GPC5: variants seen among roughly 807,000 people sequenced by gnomAD.
The protein encoded by GPC5 is glypican-5.
A neutral mutation model predicts 53.9 loss-of-function variants in GPC5; 47 were observed. That is an observed-to-expected ratio of 0.87 (90% CI 0.69 to 1.11). The LOEUF (loss-of-function observed/expected upper bound fraction) is 1.11. Among genes scored for constraint, GPC5 ranks in the 50% most tolerant of loss-of-function variants. The pLI, the probability that GPC5 is intolerant of heterozygous loss-of-function variation, is 0.00. For missense variants in GPC5, 748 were observed against 713.1 expected (o/e 1.05, Z -0.56); for synonymous variants, 286 against 263.3 (o/e 1.09, Z -0.84).
At chr13:91,842,732 A>G (rs1022109622) in intron 5 of GPC5, among the ~76,000 whole-genome samples, 1 of 138,624 alleles carries the variant, frequency 7.2e-6, no homozygotes, top group Admixed American at 7.4e-5. Context: ...AAAAAAAAAG[A>G]ATGTTATTTA....
intron 7 of GPC5, among the ~76,000 whole-genome samples, chr13:92,184,538 G>C (rs1270913306): frequency 6.6e-6 from 1 of 152,128 alleles, no homozygotes; most frequent in Non-Finnish European, 1.5e-5. Flanking sequence ...AAATAACTAA[G>C]AGCAACCTTC....
chr13:92,517,705 G>A (rs1327306765), intron 7 of GPC5, among the ~76,000 whole-genome samples: 2 of 152,088 alleles, frequency 1.3e-5, no homozygotes, highest in African/African-American at 4.8e-5. Context: ...AAGACCAAAG[G>A]TAGATAAAAC....
At chr13:92,152,806 C>T (rs901001829) in intron 7 of GPC5, among the ~76,000 whole-genome samples, 2 of 150,874 alleles carry the variant, frequency 1.3e-5, no homozygotes, top group African/African-American at 4.9e-5. Flanking sequence ...TACAGTTATA[C>T]ACACACATAA....
chr13:91,695,569 G>A (rs1686239058), intron 3 of GPC5, among the ~76,000 whole-genome samples: 2 of 151,952 alleles, frequency 1.3e-5, no homozygotes, highest in South Asian at 4.2e-4. Context: ...TAGAGAGGTG[G>A]TTTCACCATG....
intron 5 of GPC5, among the ~76,000 whole-genome samples, chr13:91,805,675 C>T (rs1428136494): frequency 6.6e-6 from 1 of 152,120 alleles, no homozygotes; most frequent in Non-Finnish European, 1.5e-5. Flanking sequence ...TTAGAAAATG[C>T]AGTGTGTGTG....
At chr13:92,725,539 A>G (rs900481026) in intron 7 of GPC5, among the ~76,000 whole-genome samples, 15 of 151,776 alleles carry the variant, frequency 9.9e-5, no homozygotes. Flanking sequence ...GAATATACCT[A>G]GCCAAACTTT....
At chr13:92,266,650 A>G (rs1158424191) in intron 7 of GPC5, among the ~76,000 whole-genome samples, 2 of 151,710 alleles carry the variant, frequency 1.3e-5, no homozygotes, top group Non-Finnish European at 2.9e-5. Context: ...ATTGGGTGGA[A>G]TGTGCTTATT....
intron 2 of GPC5, among the ~76,000 whole-genome samples, chr13:91,609,670 T>A (rs1594326646): frequency 6.6e-6 from 1 of 152,156 alleles, no homozygotes; most frequent in Non-Finnish European, 1.5e-5. Context: ...CCCCCAAGGC[T>A]CAGGAAAGCT....
chr13:92,611,136 G>T (rs1335170678), intron 7 of GPC5, among the ~76,000 whole-genome samples: 1 of 151,954 alleles, frequency 6.6e-6, no homozygotes, highest in Non-Finnish European at 1.5e-5. Context: ...ATCACATTTG[G>T]CTTCTGAAGC....
At chr13:92,120,871 A>G (rs956688525) in intron 6 of GPC5, among the ~76,000 whole-genome samples, 2 of 152,204 alleles carry the variant, frequency 1.3e-5, no homozygotes, top group African/African-American at 4.8e-5. Flanking sequence ...ATTCAAATGA[A>G]TTTGAAATTT....
chr13:91,660,192 G>A (rs1210669455), intron 2 of GPC5, among the ~76,000 whole-genome samples: 3 of 152,164 alleles, frequency 2.0e-5, no homozygotes, highest in African/African-American at 4.8e-5. Context: ...TTAAGTTTTG[G>A]CCATTTGGGG....
intron 2 of GPC5, among the ~76,000 whole-genome samples, chr13:91,522,563 C>T (rs562500240): frequency 2.6e-5 from 4 of 152,070 alleles, no homozygotes; most frequent in Non-Finnish European, 5.9e-5. Context: ...TACATGTGCA[C>T]AACGTGTGGG....
intron 2 of GPC5, among the ~76,000 whole-genome samples, chr13:91,482,432 T>G (rs191096929): frequency 6.6e-6 from 1 of 152,290 alleles, no homozygotes; most frequent in East Asian, 1.9e-4. Flanking sequence ...GTCTTAGATA[T>G]AGCAGCATAA....
rs532604991 is a variant in GPC5 at position 91,879,970 on chromosome 13, T to C, written c.1281-27967T>C. ...TTTTTATATTAACTTCATCAAGAGT[T>C]GGTAATAGTTATATTTGCTTTGTAA... is the stretch of plus-strand genomic sequence containing the variant. On this transcript the variant is annotated intron_variant, in intron 5 of 7. Coordinates refer to ENST00000377067, the MANE Select transcript of GPC5 (RefSeq NM_004466.6). Among the ~76,000 whole-genome samples, 6 of 152,240 alleles carry C rather than the reference T, an allele frequency of 3.9e-5. No homozygotes were observed. In the East Asian group the frequency reaches 1.2e-3, roughly 29 times the overall value.
intron 6 of GPC5, among the ~76,000 whole-genome samples, chr13:92,086,120 G>C (rs967990369): frequency 6.6e-6 from 1 of 152,142 alleles, no homozygotes; most frequent in African/African-American, 2.4e-5. Context: ...AAGTTATCTG[G>C]AAATTCATGT....
chr13:92,690,736 T>G (rs1360439469), intron 7 of GPC5, among the ~76,000 whole-genome samples: 2 of 106,062 alleles, frequency 1.9e-5, no homozygotes, highest in Non-Finnish European at 3.6e-5. Flanking sequence ...GATGTACAGA[T>G]GGGTTTTTGG....
At chr13:91,531,457 C>T (rs1481197992) in intron 2 of GPC5, among the ~76,000 whole-genome samples, 1 of 152,144 alleles carries the variant, frequency 6.6e-6, no homozygotes, top group Non-Finnish European at 1.5e-5. Context: ...AAATCCCTAA[C>T]TCTCTTTTAA....
chr13:92,044,892 G>A (rs1021950241), intron 6 of GPC5, among the ~76,000 whole-genome samples: 8 of 152,014 alleles, frequency 5.3e-5, no homozygotes, highest in Non-Finnish European at 8.8e-5. Flanking sequence ...AACTTTAAAA[G>A]GTTGGTGAAA....
rs2041855840 is a variant in GPC5 at position 92,144,907 on chromosome 13, A to G, written c.1479A>G (p.Gln493=). Residue 493 remains glutamine, a synonymous_variant, in exon 7 of 8, where the codon CAA becomes CAG. Coordinates refer to ENST00000377067, the MANE Select transcript of GPC5 (RefSeq NM_004466.6). ...GCAGTGGTGGAGGCATGGTTGAACA[A>G]GTCAGTGGGGACTGTGATGATGAAG... The part of the protein sequence containing the change: ...QLGSGGGMVE[Q]VSGDCDDEDG... 1 of 1,607,102 alleles carries G rather than the reference A, an allele frequency of 6.2e-7. No individual in the cohort carries two copies. Among genetic ancestry groups the G allele is most frequent in the African/African-American group, 1.3e-5 (1 of 74,346 alleles).
Sources: allele counts gnomAD v4.1 joint callset (sites outside exome capture counted in the v4.1 genomes callset), GRCh38; gene constraint gnomAD v4.1.1; transcripts MANE v1.5; gene names NCBI Gene and HGNC (gene_info 2026-07-23, HGNC 2026-07-21).